The following PPFIA2 variants were observed in gnomAD, a reference collection of about 807,000 sequenced individuals.
PPFIA2 encodes the protein liprin-alpha-2.
In PPFIA2, 46 loss-of-function variants were observed where a neutral mutation model predicts 175.5. That is an observed-to-expected ratio of 0.26 (90% CI 0.21 to 0.34). The LOEUF is 0.34. Ranked by LOEUF, PPFIA2 falls within the 10% of genes least tolerant of loss-of-function variation. PPFIA2 has a pLI of 1.00. For synonymous variants in PPFIA2, 568 were observed against 511.4 expected (o/e 1.11, Z -1.49); for missense variants, 1,179 against 1,506.1 (o/e 0.78, Z 3.60).
intron 4 of PPFIA2, among the ~76,000 whole-genome samples, chr12:81,602,401 G>A (rs1215383670): frequency 1.3e-5 from 2 of 151,724 alleles, no homozygotes; most frequent in African/African-American, 4.8e-5. Context: ...ATTTATTGTT[G>A]AGAAACTCTG....
chr12:81,465,899 C>T (rs889815083), intron 4 of PPFIA2, among the ~76,000 whole-genome samples: 26 of 152,074 alleles, frequency 1.7e-4, no homozygotes, highest in Admixed American at 8.5e-4. Flanking sequence ...GAAATTAATA[C>T]GTAATCATTA....
In PPFIA2 at chr12:81,281,291, G is replaced by A. The variant is rs866336863; in HGVS notation, c.3178C>T (p.Arg1060Cys). 6.2e-7 allele frequency: 1 copy of A among 1,609,760 alleles called. No individual in the cohort carries two copies. The highest frequency in any genetic ancestry group is 8.5e-7 in the Non-Finnish European group (1 of 1,177,430). The change falls in exon 27 of 33, where the codon CGT becomes TGT. Residue 1060 changes from arginine (R) to cysteine (C), a missense_variant. This residue lies in a region of PPFIA2 where 245 missense variants were observed against 375.1 expected (regional missense o/e 0.65). Transcript: ENST00000549396. ...CTATCCACCATTTTTAAATGGACAC[G>A]GAGATCTTTTTTTGTTAGGTGATCT... The part of the protein sequence containing the change: ...MLDHLTKKDL[R>C]VHLKMVDSFH...
chr12:81,375,809 G>C lies in PPFIA2; in HGVS notation c.1118C>G (p.Ala373Gly). ...KLENELANKE[A>G]ILRQMEEKNR... is the part of the protein sequence containing the mutation. ...GAGATACTGAACCTGCCGCAGGATA[G>C]CTTCTTTATTTGCTAACTCATTTTC... Residue 373 changes from alanine (A) to glycine (G), a missense_variant, in exon 10 of 33, where the codon GCT becomes GGT. By Grantham distance (60) the Ala-to-Gly change is moderately conservative. Coordinates refer to ENST00000549396, the MANE Select transcript of PPFIA2 (RefSeq NM_003625.5). The C allele has an allele frequency of 6.2e-7, 1 of 1,608,156 alleles. No homozygotes were observed.
intron 4 of PPFIA2, among the ~76,000 whole-genome samples, chr12:81,547,302 A>G (rs1167864296): frequency 1.3e-5 from 2 of 152,202 alleles, no homozygotes; most frequent in East Asian, 1.9e-4. Context: ...CAATCTCTCA[A>G]TCTAAAACAA....
chr12:81,287,698 C>G (rs969485646), intron 24 of PPFIA2, among the ~76,000 whole-genome samples: 1 of 151,840 alleles, frequency 6.6e-6, no homozygotes, highest in Non-Finnish European at 1.5e-5. Flanking sequence ...TCTCCACCAC[C>G]ACTTTAGGGG....
intron 6 of PPFIA2, among the ~76,000 whole-genome samples, chr12:81,444,344 A>C (rs1268613943): frequency 1.3e-5 from 2 of 152,176 alleles, no homozygotes; most frequent in Non-Finnish European, 2.9e-5. Context: ...TGTGTCAAAC[A>C]TGTGCTATGG....
intron 16 of PPFIA2, among the ~76,000 whole-genome samples, chr12:81,354,640 T>C (rs2060583668): frequency 6.7e-6 from 1 of 150,274 alleles, no homozygotes. Flanking sequence ...TTAACTCTTA[T>C]TAAGGTTGAT....
At chr12:81,538,335 T>C (rs1046384415) in intron 4 of PPFIA2, among the ~76,000 whole-genome samples, 39 of 151,898 alleles carry the variant, frequency 2.6e-4, no homozygotes, top group Admixed American at 2.2e-3. Flanking sequence ...CTCCATTACA[T>C]GCATGTTCAT....
intron 4 of PPFIA2, among the ~76,000 whole-genome samples, chr12:81,661,972 G>A (rs1256391332): frequency 2.0e-5 from 3 of 152,004 alleles, no homozygotes; most frequent in Non-Finnish European, 4.4e-5. Flanking sequence ...CGAAATGAAG[G>A]CACAAATAAA....
chr12:81,526,360 T>C lies in PPFIA2; in HGVS notation c.304-68494A>G, dbSNP rs1383417231. 2.0e-5 allele frequency among the ~76,000 whole-genome samples: 3 copies of C among 152,148 alleles called. No homozygotes were observed. In the East Asian group the frequency reaches 5.8e-4, roughly 29 times the overall value. ...GCTTTTGCCTGTTTGGGGATGGAAA[T>C]AATATCATGAACTGAAGAGCAGGGA... On this transcript the variant is annotated intron_variant, in intron 4 of 32. Coordinates refer to ENST00000549396, the MANE Select transcript of PPFIA2 (RefSeq NM_003625.5).
At chr12:81,694,595 G>A (rs2153592798) in intron 3 of PPFIA2, among the ~76,000 whole-genome samples, 1 of 152,312 alleles carries the variant, frequency 6.6e-6, no homozygotes, top group East Asian at 1.9e-4. Context: ...AAAGCCTGCT[G>A]CAGGGGCAGA....
At chr12:81,281,234 G>A (rs1270401190) in intron 27 of PPFIA2, 23 bp downstream of exon 27, 1 of 1,488,234 alleles carries the variant, frequency 6.7e-7, no homozygotes, top group Non-Finnish European at 9.0e-7. Flanking sequence ...ATTCTTTGGG[G>A]AAAAAAAAGA....
intron 4 of PPFIA2, among the ~76,000 whole-genome samples, chr12:81,520,978 A>G (rs771153935): frequency 3.9e-5 from 6 of 152,226 alleles, no homozygotes; most frequent in Non-Finnish European, 7.3e-5. Flanking sequence ...GGGAGGTGTC[A>G]TATGATATAA....
chr12:81,483,335 A>G (rs992849540), intron 4 of PPFIA2, among the ~76,000 whole-genome samples: 10 of 152,198 alleles, frequency 6.6e-5, no homozygotes, highest in African/African-American at 2.4e-4. Flanking sequence ...ATGGATAAAT[A>G]AAATTTGTAC....
chr12:81,552,176 A>C (rs2153371028), intron 4 of PPFIA2, among the ~76,000 whole-genome samples: 1 of 151,964 alleles, frequency 6.6e-6, no homozygotes, highest in African/African-American at 2.4e-5. Context: ...TTTAGAAATA[A>C]ATGGCAAAAC....
At chr12:81,364,651 T>C (rs780977121) in intron 14 of PPFIA2, among the ~76,000 whole-genome samples, 10 of 151,816 alleles carry the variant, frequency 6.6e-5, no homozygotes, top group Non-Finnish European at 1.3e-4. Flanking sequence ...GGCTGTGAAA[T>C]AGATTGTCAA....
Position 81,359,259 on chromosome 12 carries a change from G to A in PPFIA2, c.1638-1042C>T, listed in dbSNP as rs557718289. 8.5e-5 allele frequency among the ~76,000 whole-genome samples: 13 copies of A among 152,104 alleles called. No homozygotes were observed. In the South Asian group the frequency reaches 2.5e-3, roughly 29 times the overall value. Reference sequence around the variant, plus strand: ...CAAATATCTGGTAACATTAAAAAGGGGAGGTGAGGTTTGGGTGTTTGCAAC... The same window carrying A: ...CAAATATCTGGTAACATTAAAAAGGAGAGGTGAGGTTTGGGTGTTTGCAAC... On this transcript the variant is annotated intron_variant, in intron 15 of 32. Transcript: ENST00000549396.
At chr12:81,709,624 T>G (rs902573197) in intron 3 of PPFIA2, among the ~76,000 whole-genome samples, 3 of 152,098 alleles carry the variant, frequency 2.0e-5, no homozygotes, top group Non-Finnish European at 4.4e-5. Context: ...TTTTTTCTAT[T>G]AAAAATATAT....
chr12:81,365,997 C>CCTTCCTTCCTTCCTTA (rs2033215440), intron 14 of PPFIA2, among the ~76,000 whole-genome samples: 2 of 88,474 alleles, frequency 2.3e-5, no homozygotes, highest in African/African-American at 8.6e-5. Context: ...TTCCTTCCTT[C>CCTTCCTTCCTTCCTTA]CTTCCTTCCT....
Sources: gnomAD v4.1 joint callset for allele counts (sites outside exome capture counted in the v4.1 genomes callset) on GRCh38, gnomAD v4.1.1 for gene constraint, gnomAD v4.1.1 regional missense constraint, MANE v1.5 for transcripts, NCBI Gene and HGNC (gene_info 2026-07-23, HGNC 2026-07-21) for gene names.